The following ALMS1 variants were observed in gnomAD, a reference collection of about 807,000 sequenced individuals.
ALMS1 encodes ALMS1 centrosome and basal body associated protein.
Under a neutral mutation model 352.2 loss-of-function variants are expected in ALMS1, and 271 were observed. The observed-to-expected ratio is 0.77, with a 90% CI of 0.70 to 0.85. The LOEUF (loss-of-function observed/expected upper bound fraction) is 0.85. ALMS1 is among the 40% of genes least tolerant of loss of function. The pLI, the probability that ALMS1 is intolerant of heterozygous loss-of-function variation, is 0.00. For synonymous variants in ALMS1, 1,865 were observed against 1,761.2 expected (o/e 1.06, Z -1.48); for missense variants, 5,445 against 4,870.7 (o/e 1.12, Z -3.51).
intron 9 of ALMS1, among the ~76,000 whole-genome samples, chr2:73,477,085 G>C (rs1239784986): frequency 6.6e-6 from 1 of 152,004 alleles, no homozygotes; most frequent in Non-Finnish European, 1.5e-5. Flanking sequence ...TCTGTTGATG[G>C]TGTCCTTTGG....
chr2:73,606,261 A>G (rs1309883737), intron 21 of ALMS1, among the ~76,000 whole-genome samples: 2 of 152,238 alleles, frequency 1.3e-5, no homozygotes, highest in African/African-American at 4.8e-5. Flanking sequence ...AATTTTTGAT[A>G]CAGTATCAAT....
intron 16 of ALMS1, among the ~76,000 whole-genome samples, chr2:73,594,924 G>A (rs1675513744): frequency 6.6e-6 from 1 of 152,168 alleles, no homozygotes; most frequent in Non-Finnish European, 1.5e-5. Flanking sequence ...TCTCAGCTAA[G>A]CTTGTTGTGC....
chr2:73,540,455 C>T (rs1674148125), intron 12 of ALMS1, among the ~76,000 whole-genome samples: 1 of 152,198 alleles, frequency 6.6e-6, no homozygotes, highest in South Asian at 2.1e-4. Flanking sequence ...GAAGAAACTT[C>T]ATCAATCAAC....
intron 16 of ALMS1, among the ~76,000 whole-genome samples, chr2:73,581,965 A>G (rs1675192231): frequency 6.6e-6 from 1 of 152,032 alleles, no homozygotes; most frequent in African/African-American, 2.4e-5. Flanking sequence ...GATGGTCTTG[A>G]TCTCCTGACC....
chr2:73,397,541 C>T (rs774746820), intron 1 of ALMS1, among the ~76,000 whole-genome samples: 1 of 152,088 alleles, frequency 6.6e-6, no homozygotes, highest in Non-Finnish European at 1.5e-5. Flanking sequence ...TATCTTGGCT[C>T]ACTGCAACCT....
At chr2:73,495,043 AT>A (rs1379008659) in intron 10 of ALMS1, among the ~76,000 whole-genome samples, 1 of 151,978 alleles carries the variant, frequency 6.6e-6, no homozygotes, top group Non-Finnish European at 1.5e-5. Context: ...TAGGTTATTT[AT>A]TTACATTACT....
chr2:73,422,949 A>G lies in ALMS1; in HGVS notation c.739A>G (p.Ser247Gly), dbSNP rs1055600080. 7 of 1,612,970 alleles carry G rather than the reference A, an allele frequency of 4.3e-6. No homozygotes were observed. The highest frequency in any genetic ancestry group is 5.9e-6 in the Non-Finnish European group (7 of 1,179,178). The part of the protein sequence containing the change: ...EFAPDSLFHQ[S>G]ELSFAPLRGI... ...TGCGCCTGATTCTTTATTTCATCAA[A>G]GTGAACTAAGTTTTGCACCTCTGAG... The change falls in exon 4 of 23, where the codon AGT becomes GGT. Residue 247 changes from serine to glycine, a missense_variant. Ser to Gly is a moderately conservative substitution (Grantham distance 56, BLOSUM62 0). Transcript: ENST00000613296.
intron 7 of ALMS1, among the ~76,000 whole-genome samples, chr2:73,447,011 T>G (rs1671822453): frequency 6.6e-6 from 1 of 152,038 alleles, no homozygotes; most frequent in African/African-American, 2.4e-5. Flanking sequence ...ATTGTCAGCC[T>G]CCTCCTGCTA....
Position 73,419,296 on chromosome 2 carries a change from T to G in ALMS1, c.624T>G (p.Asp208Glu), listed in dbSNP as rs1671241779. The G allele has an allele frequency of 6.2e-7, 1 of 1,613,820 alleles. No individual in the cohort carries two copies. Among genetic ancestry groups the G allele is most frequent in the East Asian group, 2.2e-5 (1 of 44,860 alleles). ...SENQVKEPNR[D>E]LFCSPLLVIQ... ...ATCAAGTAAAGGAACCCAACAGAGA[T>G]CTCTTCTGTTCTCCACTGCTAGGTA... The change falls in exon 3 of 23, where the codon GAT becomes GAG. Residue 208 changes from aspartate (D) to glutamate (E), a missense_variant. Physicochemically the swap from Asp to Glu is conservative, Grantham distance 45. Transcript: ENST00000613296.
intron 9 of ALMS1, among the ~76,000 whole-genome samples, chr2:73,468,246 T>C (rs1672397757): frequency 6.6e-6 from 1 of 151,908 alleles, no homozygotes; most frequent in Non-Finnish European, 1.5e-5. Flanking sequence ...AATAGTAAAA[T>C]TTATTTTGAA....
chr2:73,449,836 T>A lies in ALMS1; in HGVS notation c.3309T>A (p.Pro1103=), dbSNP rs757771218. ...CTTTCTACTCACAAAGAGAGAAGCC[T>A]GGTATTTTCTACCAACAGACCTTGC... ...PSTFYSQREK[P]GIFYQQTLPE... is the part of the protein sequence containing the mutation. Residue 1103 remains proline, a synonymous_variant, in exon 8 of 23, where the codon CCT becomes CCA. Transcript: ENST00000613296. 1.2e-6 allele frequency: 2 copies of A among 1,614,052 alleles called. No individual in the cohort carries two copies. The highest frequency in any genetic ancestry group is 2.2e-5 in the South Asian group (2 of 91,074).
At chr2:73,559,681 C>T (rs1293555581) in intron 15 of ALMS1, among the ~76,000 whole-genome samples, 2 of 152,102 alleles carry the variant, frequency 1.3e-5, no homozygotes, top group African/African-American at 4.8e-5. Flanking sequence ...AGCTAAACTA[C>T]CCATACTGGA....
chr2:73,502,509 G>C (rs1034216518), intron 10 of ALMS1, among the ~76,000 whole-genome samples: 1 of 152,142 alleles, frequency 6.6e-6, no homozygotes, highest in Non-Finnish European at 1.5e-5. Context: ...CAGGAGAGTA[G>C]AGTAGTGTTT....
At chr2:73,510,562 T>G (rs534738757) in intron 10 of ALMS1, among the ~76,000 whole-genome samples, 1 of 152,310 alleles carries the variant, frequency 6.6e-6, no homozygotes, top group South Asian at 2.1e-4. Flanking sequence ...ACAGCAAAGT[T>G]TGCTGCCTTC....
intron 15 of ALMS1, among the ~76,000 whole-genome samples, chr2:73,568,497 A>G (rs1285048373): frequency 1.3e-5 from 2 of 152,170 alleles, no homozygotes; most frequent in African/African-American, 4.8e-5. Context: ...ATTTAGTTAA[A>G]TTTTGGTAAA....
chr2:73,411,601 A>G (rs1241739601), intron 2 of ALMS1, among the ~76,000 whole-genome samples: 1 of 152,012 alleles, frequency 6.6e-6, no homozygotes, highest in Non-Finnish European at 1.5e-5. Flanking sequence ...TTCATCCTTT[A>G]CGCCTGGGTT....
At chr2:73,562,033 T>G in intron 15 of ALMS1, among the ~76,000 whole-genome samples, 1 of 150,762 alleles carries the variant, frequency 6.6e-6, no homozygotes, top group East Asian at 2.0e-4. Flanking sequence ...TAAAAAAAAA[T>G]GATGGAATTT....
chr2:73,481,663 T>C (rs1672706531), intron 9 of ALMS1, among the ~76,000 whole-genome samples: 1 of 150,458 alleles, frequency 6.6e-6, no homozygotes, highest in Non-Finnish European at 1.5e-5. Context: ...TAAGTTACCT[T>C]GGGCCGTATG....
intron 12 of ALMS1, among the ~76,000 whole-genome samples, chr2:73,537,249 G>C (rs77371507): frequency 6.6e-6 from 1 of 152,220 alleles, no homozygotes; most frequent in African/African-American, 2.4e-5. Context: ...AAGCTTAAAA[G>C]TAACACCCGA....
Sources: gnomAD v4.1 joint callset for allele counts (sites outside exome capture counted in the v4.1 genomes callset) on GRCh38, gnomAD v4.1.1 for gene constraint, MANE v1.5 for transcripts, NCBI Gene and HGNC (gene_info 2026-07-23, HGNC 2026-07-21) for gene names.